The following ZC3H18 variants were observed in gnomAD, a reference collection of about 807,000 sequenced individuals.
ZC3H18 encodes zinc finger CCCH domain-containing protein 18.
Under a neutral mutation model 106.1 loss-of-function variants are expected in ZC3H18, and 8 were observed. The observed-to-expected ratio is 0.08, with a 90% confidence interval of 0.04 to 0.14. The LOEUF (loss-of-function observed/expected upper bound fraction) is 0.14. Ranked by LOEUF, ZC3H18 falls within the 10% of genes least tolerant of loss-of-function variation. ZC3H18 has a pLI of 1.00. For synonymous variants in ZC3H18, 635 were observed against 522.1 expected (o/e 1.22, Z -2.95); for missense variants, 1,318 against 1,278.4 (o/e 1.03, Z -0.47).
In ZC3H18 at chr16:88,631,348, A is replaced by AAAAT; in HGVS notation, c.*49_*50insAAAT. 1 of 1,549,528 alleles carries AAAAT rather than the reference A, an allele frequency of 6.5e-7. No homozygotes were observed. Among genetic ancestry groups the AAAAT allele is most frequent in the East Asian group, 2.4e-5 (1 of 40,924 alleles). ...GCATTTTTATACATAGGGTAAGCGC[A>AAAAT]GCCATTTTGGATTTTGCAGTTAATG... On this transcript the variant is annotated 3_prime_UTR_variant, in exon 18 of 18. Coordinates refer to ENST00000301011, the MANE Select transcript of ZC3H18 (RefSeq NM_144604.4).
intron 8 of ZC3H18, among the ~76,000 whole-genome samples, chr16:88,616,625 T>G (rs1450970036): frequency 1.3e-5 from 2 of 152,204 alleles, no homozygotes; most frequent in Non-Finnish European, 2.9e-5. Context: ...CCTGGCTGCC[T>G]TTTCAGGAGC....
chr16:88,577,469 GCCT>G lies in ZC3H18; in HGVS notation c.351_353del (p.Ser118del), dbSNP rs1567575364. 6.2e-7 allele frequency: 1 copy of G among 1,612,634 alleles called. No homozygotes were observed. Among genetic ancestry groups the G allele is most frequent in the East Asian group, 2.2e-5 (1 of 44,862 alleles). ...CCGGACAAGCGACCTTAGGGATGAG[GCCT>G]CCTCAGTCACCAGGGAGCTGGATGA... On this transcript the variant is annotated inframe_deletion, in exon 2 of 18. Transcript: ENST00000301011.
intron 8 of ZC3H18, among the ~76,000 whole-genome samples, chr16:88,617,079 A>G (rs1905658343): frequency 1.3e-5 from 2 of 152,172 alleles, no homozygotes. Context: ...CTGAGCCCCA[A>G]TAGGAAACAC....
intron 5 of ZC3H18, 43 bp from the exon 6 acceptor site, chr16:88,599,748 G>C (rs749435220): frequency 1.3e-6 from 2 of 1,580,484 alleles, no homozygotes; most frequent in Non-Finnish European, 1.7e-6. Context: ...AGCGACGCCC[G>C]GTATTCTGTT....
At position 88,616,064 on chromosome 16, in the gene ZC3H18, T is replaced by C. The variant is rs529030563; in HGVS notation, c.1475+4528T>C. On this transcript the variant is annotated intron_variant, in intron 8 of 17. Coordinates refer to ENST00000301011, the MANE Select transcript of ZC3H18 (RefSeq NM_144604.4). ...AAGCGGGTGACGGATCCCAGGAGGC[T>C]TGGAGAGGGTAACTCTGCCAGCATG... Among the ~76,000 whole-genome samples the C allele has an allele frequency of 3.5e-3, 538 of 152,256 alleles. 8 individuals are homozygous for C. The highest frequency in any genetic ancestry group is 0.012 in the African/African-American group (517 of 41,558).
At chr16:88,596,926 T>C (rs35659179) in intron 3 of ZC3H18, among the ~76,000 whole-genome samples, 2,292 of 152,296 alleles carry the variant, frequency 0.015, 31 homozygotes, top group Non-Finnish European at 0.027. Flanking sequence ...TCTTTTGTTT[T>C]TTGTTGTTGT....
intron 8 of ZC3H18, among the ~76,000 whole-genome samples, chr16:88,619,745 AGCT>A (rs1449060602): frequency 6.6e-6 from 1 of 152,102 alleles, no homozygotes; most frequent in Admixed American, 6.5e-5. Context: ...ATGCTGTTAC[AGCT>A]TCACCCGAAG....
At chr16:88,607,214 A>C (rs1597344467) in intron 6 of ZC3H18, among the ~76,000 whole-genome samples, 1 of 151,704 alleles carries the variant, frequency 6.6e-6, no homozygotes, top group Non-Finnish European at 1.5e-5. Context: ...CTGCCTCTGG[A>C]CCTCCTGCCT....
intron 8 of ZC3H18, 87 bp downstream of exon 8, chr16:88,611,623 C>G (rs9674179): frequency 5.2e-5 from 77 of 1,480,806 alleles, no homozygotes; most frequent in Non-Finnish European, 6.8e-5. Flanking sequence ...CGCTTCCCCT[C>G]TGTGGCCCAC....
chr16:88,577,726 C>T lies in ZC3H18; in HGVS notation c.603C>T (p.Asp201=), dbSNP rs1914853509. Residue 201 remains aspartate (D), a splice_region_variant and synonymous_variant, in exon 2 of 18, where the codon GAC becomes GAT. Transcript: ENST00000301011. ...GAGAAATCGATGATGGGGAAATAGA[C>T]GTGAGTATGATGGAGCAGAGCGTCG... ...DDGEIDDGEI[D]DDDLEEGEVK... 3.1e-6 allele frequency: 5 copies of T among 1,613,016 alleles called. No homozygotes were observed. Among genetic ancestry groups the T allele is most frequent in the African/African-American group, 1.3e-5 (1 of 74,864 alleles).
At chr16:88,595,470 C>A (rs987552132) in intron 3 of ZC3H18, among the ~76,000 whole-genome samples, 1 of 91,794 alleles carries the variant, frequency 1.1e-5, no homozygotes, top group Non-Finnish European at 2.2e-5. Context: ...TAATTTCTTT[C>A]TTTCTTTTTT....
At chr16:88,612,082 C>T (rs1480494502) in intron 8 of ZC3H18, among the ~76,000 whole-genome samples, 3 of 152,138 alleles carry the variant, frequency 2.0e-5, no homozygotes, top group African/African-American at 7.2e-5. Context: ...GCAGAATGAT[C>T]CTTGCTGCCA....
intron 3 of ZC3H18, 86 bp from the exon 4 acceptor site, chr16:88,598,092 G>GCCCCCCCCCCCCCCCCCCCCCCC: frequency 2.9e-6 from 1 of 349,612 alleles, no homozygotes; most frequent in Non-Finnish European, 5.4e-6. Flanking sequence ...CATGGCCTCT[G>GCCCCCCCCCCCCCCCCCCCCCCC]CCCCCTCCCA....
rs563677901 is a variant in ZC3H18 at position 88,576,973 on chromosome 16, G to A, written c.-14-137G>A. The stretch of plus-strand genomic sequence containing the variant: ...GTTATGGCCTGTCTTTCTCTGCAGA[G>A]TGGAGTGTGGGATTTGGGGCAGGGC... On this transcript the variant is annotated intron_variant, in intron 1 of 17. Coordinates refer to ENST00000301011, the MANE Select transcript of ZC3H18 (RefSeq NM_144604.4). 3.7e-4 allele frequency: 296 copies of A among 802,490 alleles called. 1 individual carries two copies. Among genetic ancestry groups the A allele is most frequent in the Non-Finnish European group, 5.4e-4 (285 of 530,428 alleles). The allele number at this position is 802,490 out of a possible 1,614,324, so 49.7% of individuals were successfully genotyped here. A position where few individuals can be genotyped will look rare whatever the true frequency, so the allele number is the denominator to read the frequency against.
At chr16:88,587,830 C>G (rs1268466218) in intron 3 of ZC3H18, among the ~76,000 whole-genome samples, 1 of 152,178 alleles carries the variant, frequency 6.6e-6, no homozygotes, top group Non-Finnish European at 1.5e-5. Context: ...GTGGCGGAGT[C>G]CCATCATTCA....
At chr16:88,597,047 A>C (rs938017522) in intron 3 of ZC3H18, among the ~76,000 whole-genome samples, 1 of 152,084 alleles carries the variant, frequency 6.6e-6, no homozygotes, top group Non-Finnish European at 1.5e-5. Context: ...CAGCCTCCCA[A>C]GTAGCTGGGA....
Position 88,622,528 on chromosome 16 carries a change from G to C in ZC3H18, c.1667+140G>C, listed in dbSNP as rs902337492. The C allele has an allele frequency of 3.7e-5, 34 of 919,016 alleles. No individual in the cohort carries two copies. In the African/African-American group the frequency reaches 5.7e-4, roughly 15 times the overall value. The allele number at this position is 919,016 out of a possible 1,614,324, so 56.9% of individuals were successfully genotyped here. Reference sequence around the variant, plus strand: ...TCGTTACCTGCAGACCAGTCAGTGGGACTAACCCGGCGTTTATACCTTCAG... The same window carrying C: ...TCGTTACCTGCAGACCAGTCAGTGGCACTAACCCGGCGTTTATACCTTCAG... On this transcript the variant is annotated intron_variant, in intron 9 of 17. Transcript: ENST00000301011.
rs1738249308 is a variant in ZC3H18 at position 88,577,631 on chromosome 16, G to A, written c.508G>A (p.Gly170Ser). The change falls in exon 2 of 18, where the codon GGT (glycine) becomes AGT (serine). Residue 170 changes from glycine to serine, a missense_variant. By Grantham distance (56) the Gly-to-Ser change is moderately conservative. Transcript: ENST00000301011. ...CACTCCCAGGGAGGAGGGGAAGGCT[G>A]GTGTTCAGAGTGTGGGAGAAAAGGA... ...EGTPREEGKA[G>S]VQSVGEKESL... 6.2e-7 allele frequency: 1 copy of A among 1,613,796 alleles called. No individual in the cohort carries two copies. The highest frequency in any genetic ancestry group is 1.1e-5 in the South Asian group (1 of 91,080).
chr16:88,608,828 C>A, intron 6 of ZC3H18, 106 bp from the exon 7 acceptor site: 1 of 911,734 alleles, frequency 1.1e-6, no homozygotes, highest in Non-Finnish European at 1.7e-6. Flanking sequence ...CTGGAGTAAA[C>A]CCCACTGCGT....
Sources: gnomAD v4.1 joint callset for allele counts (sites outside exome capture counted in the v4.1 genomes callset) on GRCh38, gnomAD v4.1.1 for gene constraint, MANE v1.5 for transcripts, NCBI Gene and HGNC (gene_info 2026-07-23, HGNC 2026-07-21) for gene names.